Variants in NEK10 observed in about 807,000 individuals in gnomAD.
NEK10 encodes NIMA related kinase 10, also known as serine/threonine-protein kinase Nek10.
In NEK10, 122 loss-of-function variants were observed where a neutral mutation model predicts 159.8. That is an observed-to-expected ratio of 0.76 (90% confidence interval 0.66 to 0.89). The LOEUF (loss-of-function observed/expected upper bound fraction) is 0.89. Among genes scored for constraint, NEK10 ranks in the 40% least tolerant of loss-of-function variants. NEK10 has a pLI of 0.00. For synonymous variants in NEK10, 466 were observed against 457.1 expected (o/e 1.02, Z -0.25); for missense variants, 1,342 against 1,323.1 (o/e 1.01, Z -0.22).
At chr3:27,184,622 T>C (rs903748729) in intron 26 of NEK10, among the ~76,000 whole-genome samples, 1 of 152,230 alleles carries the variant, frequency 6.6e-6, no homozygotes, top group African/African-American at 2.4e-5. Context: ...TGAGGAAGCC[T>C]ATAAGGCATT....
At position 27,306,617 on chromosome 3, in the gene NEK10, TA is replaced by T. The variant is rs374214713; in HGVS notation, c.803+1241del. On this transcript the variant is annotated intron_variant, in intron 11 of 35. Transcript: ENST00000691995. ...CCATGAGTCCCCATAATGTTCATGA[TA>T]AAATTCACATCGTTATTTATCAGAG... Among the ~76,000 whole-genome samples the T allele has an allele frequency of 6.6e-5, 10 of 152,322 alleles. No homozygotes were observed. The East Asian group carries it at 1.7e-3, about 26-fold the overall frequency.
intron 23 of NEK10, among the ~76,000 whole-genome samples, chr3:27,204,301 GTTTTT>G (rs567092116): frequency 1.4e-4 from 9 of 66,352 alleles, no homozygotes; most frequent in African/African-American, 4.2e-4. Context: ...TTTTGTTGTT[GTTTTT>G]TTTTTTTTTT....
At chr3:27,266,064 C>G (rs2040867146) in intron 22 of NEK10, among the ~76,000 whole-genome samples, 1 of 152,158 alleles carries the variant, frequency 6.6e-6, no homozygotes, top group Non-Finnish European at 1.5e-5. Context: ...CTCGGCCTCC[C>G]AAAGTGCTGG....
chr3:27,155,572 T>C (rs909173623), intron 30 of NEK10, among the ~76,000 whole-genome samples: 5 of 148,286 alleles, frequency 3.4e-5, no homozygotes, highest in African/African-American at 9.9e-5. Context: ...TACTTAGGAA[T>C]ATACCTAACC....
intron 30 of NEK10, among the ~76,000 whole-genome samples, chr3:27,144,060 C>A (rs1944046524): frequency 6.6e-6 from 1 of 152,196 alleles, no homozygotes; most frequent in South Asian, 2.1e-4. Context: ...AAATCTATAG[C>A]AGTCTGTCCG....
At position 27,246,031 on chromosome 3, in the gene NEK10, AAAAAG is replaced by A. The variant is rs530300003; in HGVS notation, c.2090+10260_2090+10264del. Among the ~76,000 whole-genome samples the A allele has an allele frequency of 7.2e-3, 1,090 of 152,310 alleles. 11 individuals are homozygous for A. Among genetic ancestry groups the A allele is most frequent in the Non-Finnish European group, 0.012 (813 of 68,030 alleles). ...AGTAAAGACTATAAAAGGGCAAGAGAAAAAGAATATAGAGACTGAAGATAAATGAT... is the reference window on the plus strand; with the variant it reads ...AGTAAAGACTATAAAAGGGCAAGAGAAATATAGAGACTGAAGATAAATGAT... On this transcript the variant is annotated intron_variant, in intron 23 of 35. Transcript: ENST00000691995.
At chr3:27,234,980 T>G (rs953437595) in intron 23 of NEK10, among the ~76,000 whole-genome samples, 8 of 152,146 alleles carry the variant, frequency 5.3e-5, no homozygotes, top group African/African-American at 1.9e-4. Context: ...AACCATCTGA[T>G]GTTTAAGAAA....
chr3:27,202,466 G>A lies in NEK10; in HGVS notation c.2182C>T (p.Pro728Ser), dbSNP rs764245230. The change falls in exon 24 of 36, where the codon CCC becomes TCC. Residue 728 changes from proline (P) to serine (S), a missense_variant. Transcript: ENST00000691995. Reference protein sequence around the residue: ...ILYQMATLSPPFYSTNMLSLA... With the variant: ...ILYQMATLSPSFYSTNMLSLA... ...GACAGCATGTTAGTGCTGTAGAAGG[G>A]GGGACTCAAAGTCGCCATCTGATAA... The A allele has an allele frequency of 1.2e-6, 2 of 1,613,718 alleles. No individual in the cohort carries two copies. The highest frequency in any genetic ancestry group is 8.5e-7 in the Non-Finnish European group (1 of 1,179,790).
At chr3:27,282,944 G>A (rs182513217) in intron 22 of NEK10, among the ~76,000 whole-genome samples, 156 of 152,108 alleles carry the variant, frequency 1.0e-3, no homozygotes, top group African/African-American at 3.7e-3. Context: ...TTAAGCAAAT[G>A]TGTGTCCAAG....
intron 28 of NEK10, among the ~76,000 whole-genome samples, chr3:27,173,134 T>C (rs139766805): frequency 3.9e-5 from 6 of 152,366 alleles, no homozygotes; most frequent in African/African-American, 1.4e-4. Context: ...GTTATTTATT[T>C]GTCAGGTTTG....
At chr3:27,173,574 T>C (rs1359947636) in intron 28 of NEK10, among the ~76,000 whole-genome samples, 1 of 152,170 alleles carries the variant, frequency 6.6e-6, no homozygotes, top group African/African-American at 2.4e-5. Context: ...CCAATTAAGT[T>C]TGGAAAGGAC....
intron 31 of NEK10, among the ~76,000 whole-genome samples, chr3:27,132,561 A>G (rs1238364487): frequency 6.6e-6 from 1 of 152,194 alleles, no homozygotes; most frequent in Non-Finnish European, 1.5e-5. Flanking sequence ...CCAGACTAGG[A>G]TGAGTTACAT....
chr3:27,156,935 T>G (rs1290484240), intron 30 of NEK10, among the ~76,000 whole-genome samples: 1 of 16,198 alleles, frequency 6.2e-5, no homozygotes, highest in Non-Finnish European at 1.1e-4. Context: ...AACTGATATA[T>G]ATATATATAT....
At position 27,112,239 on chromosome 3, in the gene NEK10, G is replaced by A. The variant is rs150004119; in HGVS notation, c.3300-919C>T. 2.5e-3 allele frequency among the ~76,000 whole-genome samples: 388 copies of A among 152,256 alleles called. 2 individuals are homozygous for A. Among genetic ancestry groups the A allele is most frequent in the African/African-American group, 8.8e-3 (367 of 41,532 alleles). On this transcript the variant is annotated intron_variant, in intron 35 of 35. Coordinates refer to ENST00000691995, the MANE Select transcript of NEK10 (RefSeq NM_001394966.1). ...AACAGATAGATAATGGCTTTATCCT[G>A]AGACTTTCAGTCTGAAAATGGCACC...
chr3:27,195,178 A>G (rs1457784590), intron 25 of NEK10, among the ~76,000 whole-genome samples: 1 of 152,216 alleles, frequency 6.6e-6, no homozygotes, highest in Non-Finnish European at 1.5e-5. Context: ...ATTATAATAA[A>G]CATTTCTGTC....
chr3:27,332,158 AT>A (rs2046466637), intron 5 of NEK10, among the ~76,000 whole-genome samples: 1 of 152,216 alleles, frequency 6.6e-6, no homozygotes, highest in South Asian at 2.1e-4. Flanking sequence ...AGGAGGAAAG[AT>A]TGAAACAACA....
intron 23 of NEK10, among the ~76,000 whole-genome samples, chr3:27,226,075 A>G (rs1261360739): frequency 2.0e-5 from 3 of 152,102 alleles, no homozygotes; most frequent in Non-Finnish European, 4.4e-5. Context: ...TCTGTTGCCC[A>G]GGCTGGAGTG....
At chr3:27,321,957 A>G (rs910230679) in intron 6 of NEK10, among the ~76,000 whole-genome samples, 3 of 152,354 alleles carry the variant, frequency 2.0e-5, no homozygotes, top group Admixed American at 1.3e-4. Context: ...ACTTAATCCC[A>G]TAAGTAATAC....
rs188206661 is a variant in NEK10, at chr3:27,282,616, G to C, written c.2014+1986C>G. On this transcript the variant is annotated intron_variant, in intron 22 of 35. Transcript: ENST00000691995. The stretch of plus-strand genomic sequence containing the variant: ...GTGTTATATATATATACATAACTGT[G>C]TTATATATATATACATAACTGTGTT... 1.3e-3 allele frequency among the ~76,000 whole-genome samples: 173 copies of C among 132,636 alleles called. 1 individual carries two copies. Among genetic ancestry groups the C allele is most frequent in the African/African-American group, 4.4e-3 (154 of 35,332 alleles). 87.0% of individuals were successfully genotyped at this position (132,636 alleles called of 152,430 possible). A position where few individuals can be genotyped will look rare whatever the true frequency, so the allele number is the denominator to read the frequency against.
Sources: gnomAD v4.1 joint callset for allele counts (sites outside exome capture counted in the v4.1 genomes callset) on GRCh38, gnomAD v4.1.1 for gene constraint, MANE v1.5 for transcripts, NCBI Gene and HGNC (gene_info 2026-07-23, HGNC 2026-07-21) for gene names.